Variants in STAT5B observed in about 807,000 individuals in gnomAD.
The protein encoded by STAT5B is transcription factor STAT5B.
In STAT5B, 21 loss-of-function variants were observed where a neutral mutation model predicts 107.8. That is an observed-to-expected ratio of 0.19 (90% CI 0.14 to 0.28). STAT5B has a LOEUF of 0.28. Among genes scored for constraint, STAT5B ranks in the 10% least tolerant of loss-of-function variants. The probability of loss-of-function intolerance (pLI) is 1.00; values close to 1 mark genes in which losing one functional copy is unlikely to be tolerated. For missense variants in STAT5B, 565 were observed against 1,008.2 expected (o/e 0.56, Z 5.95); for synonymous variants, 325 against 401.7 (o/e 0.81, Z 2.28).
At chr17:42,277,805 G>T (rs1190831340), upstream of STAT5B, among the ~76,000 whole-genome samples, 1 of 150,602 alleles carries the variant, frequency 6.6e-6, no homozygotes, top group Non-Finnish European at 1.5e-5. Flanking sequence ...GCCCAGGCTG[G>T]AGTGAAATGG....
chr17:42,260,113 A>G (rs1367807660), intron 1 of STAT5B, among the ~76,000 whole-genome samples: 1 of 152,226 alleles, frequency 6.6e-6, no homozygotes, highest in African/African-American at 2.4e-5. Flanking sequence ...AGCTAGTGCG[A>G]CTGGGGAACT....
chr17:42,216,531 ATTTT>A (rs1460778767), intron 11 of STAT5B, among the ~76,000 whole-genome samples: 1 of 151,922 alleles, frequency 6.6e-6, no homozygotes, highest in Non-Finnish European at 1.5e-5. Context: ...TTCATGTTTT[ATTTT>A]TTATTTTTTA....
chr17:42,219,986 G>A, intron 5 of STAT5B, 144 bp from the exon 6 acceptor site: 1 of 1,423,172 alleles, frequency 7.0e-7, no homozygotes, highest in Non-Finnish European at 9.4e-7. Context: ...TGACAGCCAG[G>A]GGGGCCAAGA....
chr17:42,216,172 T>C (rs2080170442), intron 11 of STAT5B, 66 bp from the exon 12 acceptor site: 2 of 1,405,078 alleles, frequency 1.4e-6, no homozygotes, highest in African/African-American at 2.9e-5. Flanking sequence ...TCTCTTTTTT[T>C]TTTTTCTTAT....
intron 6 of STAT5B, 73 bp downstream of exon 6, chr17:42,219,639 C>A: frequency 6.6e-7 from 1 of 1,508,182 alleles, no homozygotes; most frequent in Non-Finnish European, 9.0e-7. Flanking sequence ...ATGCTGGTCC[C>A]AGCCCTCCCT....
At chr17:42,243,325 C>G (rs551725298) in intron 1 of STAT5B, among the ~76,000 whole-genome samples, 1 of 152,218 alleles carries the variant, frequency 6.6e-6, no homozygotes, top group East Asian at 1.9e-4. Flanking sequence ...CACTTGCACT[C>G]CAGGCTGGGC....
intron 1 of STAT5B, among the ~76,000 whole-genome samples, chr17:42,267,773 AC>A (rs1381707214): frequency 6.6e-6 from 1 of 152,020 alleles, no homozygotes; most frequent in Non-Finnish European, 1.5e-5. Flanking sequence ...AGCCTGGCCA[AC>A]ATGGTGAAAC....
intron 2 of STAT5B, among the ~76,000 whole-genome samples, chr17:42,229,430 G>A (rs1436778547): frequency 6.6e-6 from 1 of 151,790 alleles, no homozygotes; most frequent in East Asian, 2.0e-4. Context: ...GATTACAGGC[G>A]TGAGCCACCG....
At chr17:42,202,663 G>C in intron 17 of STAT5B, 94 bp downstream of exon 17, 1 of 1,599,306 alleles carries the variant, frequency 6.3e-7, no homozygotes, top group Non-Finnish European at 8.6e-7. Flanking sequence ...TTTCCCCGGG[G>C]GAGCGGAAAG....
In STAT5B at chr17:42,276,074, C is replaced by A. The variant is rs1375087012; in HGVS notation, c.-11+174G>T. On this transcript the variant is annotated intron_variant, in intron 1 of 18. Transcript: ENST00000293328. This position sits in a 1 kb window ranked among gnomAD's most constrained non-coding sequence, Gnocchi z 4.8. ...AGCCTCCCCGGCAGCCAACCCGGAC[C>A]CCCTCTCCCCGCGCGCGCCCCTCGC... 2.0e-5 allele frequency among the ~76,000 whole-genome samples: 3 copies of A among 151,328 alleles called. No individual in the cohort carries two copies. The highest frequency in any genetic ancestry group is 7.3e-5 in the African/African-American group (3 of 41,374).
chr17:42,217,549 A>C lies in STAT5B; in HGVS notation c.1170-85T>G, dbSNP rs1039004909. 4 of 1,504,454 alleles carry C rather than the reference A, an allele frequency of 2.7e-6. No individual in the cohort carries two copies. In the South Asian group the frequency reaches 3.4e-5, roughly 13 times the overall value. 93.2% of individuals were successfully genotyped at this position (1,504,454 alleles called of 1,614,324 possible). On this transcript the variant is annotated intron_variant, in intron 9 of 18. Transcript: ENST00000293328. ...AAATAATATAATTTGGGGTAGCAGG[A>C]AATAGAGAAGTTTGCTAAAAATGTA...
At chr17:42,202,242 G>A in intron 18 of STAT5B, 98 bp downstream of exon 18, 2 of 1,405,148 alleles carry the variant, frequency 1.4e-6, no homozygotes, top group Non-Finnish European at 9.9e-7. Flanking sequence ...CAGACCTAGA[G>A]GAGCTCTGGA....
chr17:42,275,664 T>C (rs2080758419), intron 1 of STAT5B: 1 of 152,266 alleles, frequency 6.6e-6, no homozygotes, highest in Admixed American at 6.5e-5. Flanking sequence ...AGCCCAGGCC[T>C]GGCGGGTCCT....
chr17:42,269,425 T>C (rs1230389422), intron 1 of STAT5B: 2 of 152,134 alleles, frequency 1.3e-5, no homozygotes, highest in Non-Finnish European at 2.9e-5. Flanking sequence ...ACTTTTTAAC[T>C]TACTCTCACC....
At chr17:42,256,184 T>C (rs2080542395) in intron 1 of STAT5B, among the ~76,000 whole-genome samples, 1 of 152,208 alleles carries the variant, frequency 6.6e-6, no homozygotes, top group Non-Finnish European at 1.5e-5. Context: ...ATTTTTTCTA[T>C]CTTTAATGCT....
chr17:42,222,361 T>TGAA (rs1463921558), intron 5 of STAT5B, among the ~76,000 whole-genome samples: 1 of 152,138 alleles, frequency 6.6e-6, no homozygotes, highest in Non-Finnish European at 1.5e-5. Context: ...CACCACAGAC[T>TGAA]GAAGCTCTCT....
chr17:42,253,636 C>A (rs1171907944), intron 1 of STAT5B, among the ~76,000 whole-genome samples: 2 of 152,154 alleles, frequency 1.3e-5, no homozygotes, highest in Non-Finnish European at 2.9e-5. Flanking sequence ...CCATCACAAC[C>A]ATTTCCACCT....
At chr17:42,257,918 T>C (rs1312642977) in intron 1 of STAT5B, among the ~76,000 whole-genome samples, 1 of 152,188 alleles carries the variant, frequency 6.6e-6, no homozygotes, top group Non-Finnish European at 1.5e-5. Flanking sequence ...ATAGAATCAA[T>C]ATAATGAATT....
chr17:42,260,788 G>A (rs1352714945), intron 1 of STAT5B, among the ~76,000 whole-genome samples: 4 of 151,778 alleles, frequency 2.6e-5, no homozygotes, highest in Admixed American at 6.6e-5. Flanking sequence ...ACTTTTTATT[G>A]TGATACAGAC....
Sources: allele counts gnomAD v4.1 joint callset (sites outside exome capture counted in the v4.1 genomes callset), GRCh38; gene constraint gnomAD v4.1.1; non-coding constraint Gnocchi (gnomAD v3.1); transcripts MANE v1.5; gene names NCBI Gene and HGNC (gene_info 2026-07-23, HGNC 2026-07-21).